ERC1: variants seen among roughly 807,000 people sequenced by gnomAD.
ERC1 encodes RAB6 interacting protein 2.
In ERC1, 56 loss-of-function variants were observed where a neutral mutation model predicts 132.0. That is an observed-to-expected ratio of 0.42 (90% CI 0.34 to 0.53). The LOEUF is 0.53. Ranked by LOEUF, ERC1 falls within the 20% of genes least tolerant of loss-of-function variation. The pLI is 0.03. For missense variants in ERC1, 1,202 were observed against 1,349.9 expected (o/e 0.89, Z 1.72); for synonymous variants, 478 against 476.1 (o/e 1.00, Z -0.05).
At chr12:1,410,474 A>G in intron 17 of ERC1, 5 of 1,219,542 alleles carry the variant, frequency 4.1e-6, no homozygotes, top group Admixed American at 4.7e-5. Flanking sequence ...GCTTTCCTTA[A>G]CTATAGAAAT....
chr12:1,451,587 T>A (rs2093426533), intron 18 of ERC1, among the ~76,000 whole-genome samples: 1 of 152,172 alleles, frequency 6.6e-6, no homozygotes, highest in Non-Finnish European at 1.5e-5. Context: ...ATCACGCCAC[T>A]GCACTCCAAC....
At chr12:1,401,024 C>T (rs1256525627) in intron 16 of ERC1, among the ~76,000 whole-genome samples, 5 of 147,484 alleles carry the variant, frequency 3.4e-5, no homozygotes, top group Admixed American at 6.9e-5. Context: ...CAAGCTCCAC[C>T]TCCCGGGTTC....
At chr12:1,046,929 C>T (rs1321258380) in intron 2 of ERC1, among the ~76,000 whole-genome samples, 1 of 152,082 alleles carries the variant, frequency 6.6e-6, no homozygotes, top group Non-Finnish European at 1.5e-5. Flanking sequence ...TCACATTTGC[C>T]GTAGTTGTTT....
chr12:1,276,598 A>G (rs1205136959), intron 14 of ERC1, among the ~76,000 whole-genome samples: 2 of 151,062 alleles, frequency 1.3e-5, no homozygotes, highest in Admixed American at 6.6e-5. Flanking sequence ...ATAACACTGC[A>G]TTATTATTAC....
At chr12:1,467,620 G>C (rs963790661) in intron 18 of ERC1, among the ~76,000 whole-genome samples, 19 of 152,196 alleles carry the variant, frequency 1.2e-4, no homozygotes, top group African/African-American at 4.6e-4. Context: ...TGGCAGGGAA[G>C]GGATGGTTTC....
intron 2 of ERC1, among the ~76,000 whole-genome samples, chr12:1,067,347 A>G (rs575730132): frequency 2.2e-4 from 33 of 152,332 alleles, no homozygotes; most frequent in Non-Finnish European, 3.2e-4. Flanking sequence ...AGAGTATTCT[A>G]AATATATGTA....
chr12:1,304,823 T>G (rs1379112336), intron 15 of ERC1, among the ~76,000 whole-genome samples: 4 of 127,540 alleles, frequency 3.1e-5, no homozygotes, highest in Non-Finnish European at 6.4e-5. Context: ...GGAGTCTCGC[T>G]CTGCTGCCCG....
At chr12:1,152,148 T>A (rs932250176) in intron 8 of ERC1, 3 of 150,082 alleles carry the variant, frequency 2.0e-5, no homozygotes, top group African/African-American at 7.4e-5. Context: ...TGCAGTGAGC[T>A]GAGATTGTAC....
At chr12:1,301,891 C>T (rs1475962063) in intron 15 of ERC1, among the ~76,000 whole-genome samples, 1 of 152,130 alleles carries the variant, frequency 6.6e-6, no homozygotes, top group Non-Finnish European at 1.5e-5. Context: ...CTCCAGGCCC[C>T]AATGGCTTTA....
At position 1,484,082 on chromosome 12, in the gene ERC1, G is replaced by T. The variant is rs1482979172; in HGVS notation, c.3214-6011G>T. 4.6e-5 allele frequency among the ~76,000 whole-genome samples: 7 copies of T among 151,178 alleles called. No individual in the cohort carries two copies. The East Asian group carries it at 1.4e-3, about 30-fold the overall frequency. Reference sequence around the variant, plus strand: ...GCACTTTGGGAGGCTGAGGCGGGCGGATCACGAGGTCAGGAGATCAAGACC... The same window carrying T: ...GCACTTTGGGAGGCTGAGGCGGGCGTATCACGAGGTCAGGAGATCAAGACC... On this transcript the variant is annotated intron_variant, in intron 18 of 18. Coordinates refer to ENST00000360905, the MANE Select transcript of ERC1 (RefSeq NM_178040.4).
chr12:1,346,386 A>G (rs1025764000), intron 15 of ERC1, among the ~76,000 whole-genome samples: 1 of 152,068 alleles, frequency 6.6e-6, no homozygotes, highest in African/African-American at 2.4e-5. Context: ...TTTTCTCCAC[A>G]TTTGGGGATA....
intron 7 of ERC1, 45 bp downstream of exon 7, chr12:1,116,078 C>CTT (rs758636673): frequency 3.2e-6 from 5 of 1,555,520 alleles, no homozygotes; most frequent in East Asian, 4.5e-5. Flanking sequence ...TTCTTGGCAC[C>CTT]TTTTCATAAG....
chr12:1,105,360 T>A (rs533600799), intron 4 of ERC1, among the ~76,000 whole-genome samples: 8 of 152,112 alleles, frequency 5.3e-5, no homozygotes, highest in African/African-American at 1.4e-4. Flanking sequence ...TTTATTATTT[T>A]TTATTTTTAT....
At chr12:1,241,415 A>AT (rs1329149076) in intron 13 of ERC1, among the ~76,000 whole-genome samples, 3 of 151,910 alleles carry the variant, frequency 2.0e-5, no homozygotes, top group African/African-American at 4.8e-5. Context: ...ATTGTTACAT[A>AT]TTTTTTCTTT....
At chr12:1,235,849 A>G (rs1240366123) in intron 12 of ERC1, among the ~76,000 whole-genome samples, 1 of 152,230 alleles carries the variant, frequency 6.6e-6, no homozygotes, top group Non-Finnish European at 1.5e-5. Flanking sequence ...CTGCCCAGGT[A>G]TATCAGAGTG....
intron 17 of ERC1, among the ~76,000 whole-genome samples, chr12:1,413,330 A>C (rs1268057870): frequency 6.6e-6 from 1 of 152,204 alleles, no homozygotes; most frequent in Non-Finnish European, 1.5e-5. Context: ...TCGGTGGCTC[A>C]AGCCTGTAAT....
chr12:1,017,031 C>G (rs1006002533), intron 1 of ERC1, among the ~76,000 whole-genome samples: 3 of 152,136 alleles, frequency 2.0e-5, no homozygotes, highest in Admixed American at 2.0e-4. Flanking sequence ...GAATCTTGCT[C>G]TGTCACCCAG....
chr12:1,376,205 A>T (rs1408528373), intron 16 of ERC1, among the ~76,000 whole-genome samples: 1 of 152,194 alleles, frequency 6.6e-6, no homozygotes, highest in Non-Finnish European at 1.5e-5. Flanking sequence ...TCTTTTTTCC[A>T]CCTGTTCTTT....
chr12:1,479,812 G>T (rs1193620695), intron 18 of ERC1, among the ~76,000 whole-genome samples: 3 of 152,122 alleles, frequency 2.0e-5, no homozygotes, highest in African/African-American at 7.2e-5. Context: ...GCCAGGTGGG[G>T]TCACTCTGAG....
Sources: gnomAD v4.1 joint callset for allele counts (sites outside exome capture counted in the v4.1 genomes callset) on GRCh38, gnomAD v4.1.1 for gene constraint, MANE v1.5 for transcripts, NCBI Gene and HGNC (gene_info 2026-07-23, HGNC 2026-07-21) for gene names.